The following ALG9 variants were observed in gnomAD, a reference collection of about 807,000 sequenced individuals.
The protein encoded by ALG9 is ALG9 alpha-1,2-mannosyltransferase.
Under a neutral mutation model 81.8 loss-of-function variants are expected in ALG9, and 55 were observed. That is an observed-to-expected ratio of 0.67 (90% CI 0.54 to 0.84). ALG9 has a LOEUF of 0.84. Ranked by LOEUF, ALG9 falls within the 40% of genes least tolerant of loss-of-function variation. ALG9 has a pLI of 0.00. For synonymous variants in ALG9, 278 were observed against 274.3 expected, an observed-to-expected ratio of 1.01 and a Z score of -0.13; for missense variants, 629 against 745.0, an observed-to-expected ratio of 0.84 and a Z score of 1.81.
intron 8 of ALG9, among the ~76,000 whole-genome samples, chr11:111,851,892 G>A (rs892801256): frequency 6.6e-6 from 1 of 152,130 alleles, no homozygotes; most frequent in Admixed American, 6.6e-5. Context: ...GAGCCATAAA[G>A]GAGCTTTTTT....
chr11:111,863,789 C>T (rs1461651122), intron 4 of ALG9, among the ~76,000 whole-genome samples: 7 of 152,040 alleles, frequency 4.6e-5, no homozygotes, highest in Non-Finnish European at 1.0e-4. Flanking sequence ...TATCCCACAC[C>T]GGGAGTAGTT....
At chr11:111,850,589 C>T (rs1392024962) in intron 8 of ALG9, among the ~76,000 whole-genome samples, 1 of 151,460 alleles carries the variant, frequency 6.6e-6, no homozygotes, top group African/African-American at 2.4e-5. Context: ...TGCCTGTAAT[C>T]CCAGCTACTA....
rs2276263 is a variant in ALG9, at chr11:111,809,717, G to A, written c.1659C>T (p.Pro553=). Residue 553 remains proline, a synonymous_variant, in exon 14 of 15, where the codon CCC becomes CCT. Coordinates refer to ENST00000616540, the MANE Select transcript of ALG9 (RefSeq NM_024740.2). ...LVDLDTMRET[P]REPKYSSNKE... is the part of the protein sequence containing the mutation. ...TATTGGATGAATATTTTGGCTCCCGGGGTGTTTCTCTCATGGTGTCCAAAT... is the reference window on the plus strand; with the variant it reads ...TATTGGATGAATATTTTGGCTCCCGAGGTGTTTCTCTCATGGTGTCCAAAT... The A allele has an allele frequency of 4.4e-4, 707 of 1,614,050 alleles. 5 individuals are homozygous for A. The East Asian group carries it at 0.014, about 32-fold the overall frequency.
intron 13 of ALG9, chr11:111,814,688 C>G (rs1951220179): frequency 6.6e-6 from 1 of 152,200 alleles, no homozygotes; most frequent in Non-Finnish European, 1.5e-5. Context: ...AGACTTCAGT[C>G]TCACATCTGT....
At chr11:111,807,770 G>C (rs537578415) in intron 14 of ALG9, among the ~76,000 whole-genome samples, 2 of 152,316 alleles carry the variant, frequency 1.3e-5, no homozygotes, top group Non-Finnish European at 2.9e-5. Context: ...CAGACTGGGA[G>C]AAAGAGCGAG....
chr11:111,806,169 A>C (rs965170853), intron 14 of ALG9, among the ~76,000 whole-genome samples: 6 of 152,062 alleles, frequency 3.9e-5, no homozygotes, highest in African/African-American at 1.4e-4. Context: ...CACACTAAAA[A>C]TTTTTTTAAA....
downstream of ALG9, among the ~76,000 whole-genome samples, chr11:111,777,743 C>A (rs1307012245): frequency 1.3e-5 from 2 of 152,138 alleles, no homozygotes; most frequent in Non-Finnish European, 2.9e-5. Context: ...TTCTTTTCTA[C>A]ATACCTCCAC....
intron 6 of ALG9, among the ~76,000 whole-genome samples, chr11:111,854,263 A>ATT (rs34277511): frequency 4.6e-4 from 38 of 83,250 alleles, no homozygotes; most frequent in Non-Finnish European, 5.8e-4. Context: ...GCCCTGGCTA[A>ATT]TTTTTTTTTT....
chr11:111,787,154 GGT>G (rs1946595695), intron 14 of ALG9, among the ~76,000 whole-genome samples: 1 of 152,144 alleles, frequency 6.6e-6, no homozygotes, highest in African/African-American at 2.4e-5. Flanking sequence ...TTATCGGCCG[GGT>G]GCACTGGCTC....
At chr11:111,793,263 T>C (rs1356372788) in intron 14 of ALG9, among the ~76,000 whole-genome samples, 1 of 152,186 alleles carries the variant, frequency 6.6e-6, no homozygotes, top group African/African-American at 2.4e-5. Flanking sequence ...ATTACAGGTA[T>C]GAGTCACTGC....
chr11:111,821,480 G>A (rs562925129), intron 13 of ALG9, among the ~76,000 whole-genome samples: 70 of 152,242 alleles, frequency 4.6e-4, no homozygotes, highest in African/African-American at 1.6e-3. Flanking sequence ...TTTTCCCAAT[G>A]ACTCCGCCAA....
intron 8 of ALG9, among the ~76,000 whole-genome samples, chr11:111,850,173 T>C (rs1957542623): frequency 2.0e-5 from 3 of 152,212 alleles, no homozygotes; most frequent in Admixed American, 6.5e-5. Context: ...AGTATTATTA[T>C]TTGGTATCAC....
At chr11:111,798,855 G>C (rs1334360346) in intron 14 of ALG9, among the ~76,000 whole-genome samples, 1 of 152,180 alleles carries the variant, frequency 6.6e-6, no homozygotes, top group Non-Finnish European at 1.5e-5. Context: ...AATGGGGTCT[G>C]GGGTTTGTAG....
chr11:111,806,264 ACT>A (rs1388053833), intron 14 of ALG9, among the ~76,000 whole-genome samples: 2 of 151,884 alleles, frequency 1.3e-5, no homozygotes, highest in African/African-American at 4.8e-5. Context: ...GTATAGCAAA[ACT>A]CTTTCAAAAG....
chr11:111,829,032 TA>T lies in ALG9; in HGVS notation c.1602+7132del, dbSNP rs1455882390. 7.9e-5 allele frequency: 12 copies of T among 152,306 alleles called. No individual in the cohort carries two copies. In the East Asian group the frequency reaches 2.3e-3, roughly 29 times the overall value. The allele number at this position is 152,306 out of a possible 1,614,324, so 9.4% of individuals were successfully genotyped here. ...CCAACTGTCTACTGCCCCATAGGTCTAAAAGCTAAAGTAACATGACTTGAAT... is the reference window on the plus strand; with the variant it reads ...CCAACTGTCTACTGCCCCATAGGTCTAAAGCTAAAGTAACATGACTTGAAT... On this transcript the variant is annotated intron_variant, in intron 13 of 14. Coordinates refer to ENST00000616540, the MANE Select transcript of ALG9 (RefSeq NM_024740.2).
intron 14 of ALG9, among the ~76,000 whole-genome samples, chr11:111,789,170 T>C (rs1946980159): frequency 6.6e-6 from 1 of 152,046 alleles, no homozygotes; most frequent in Non-Finnish European, 1.5e-5. Context: ...TTTGTAGCAA[T>C]TCCTTACTAT....
chr11:111,842,085 T>C (rs2136905619), intron 9 of ALG9, among the ~76,000 whole-genome samples: 2 of 152,202 alleles, frequency 1.3e-5, no homozygotes, highest in African/African-American at 4.8e-5. Context: ...TTAGTGGAGA[T>C]GGGGTTTCAC....
At chr11:111,860,397 T>C (rs1249710302) in intron 5 of ALG9, 150 bp downstream of exon 5, 6 of 733,338 alleles carry the variant, frequency 8.2e-6, no homozygotes, top group Non-Finnish European at 1.2e-5. Context: ...CTCTGCAAAT[T>C]ATTGACATGT....
At chr11:111,863,432 C>A (rs1961067132) in intron 4 of ALG9, among the ~76,000 whole-genome samples, 1 of 152,126 alleles carries the variant, frequency 6.6e-6, no homozygotes, top group Non-Finnish European at 1.5e-5. Flanking sequence ...GAATTCAGGC[C>A]CAAACCCATA....
Sources: gnomAD v4.1 joint callset for allele counts (sites outside exome capture counted in the v4.1 genomes callset) on GRCh38, gnomAD v4.1.1 for gene constraint, MANE v1.5 for transcripts, NCBI Gene and HGNC (gene_info 2026-07-23, HGNC 2026-07-21) for gene names.